LRMDA: variants seen among roughly 807,000 people sequenced by gnomAD.
The protein encoded by LRMDA is leucine-rich melanocyte differentiation-associated protein.
In LRMDA, 18 loss-of-function variants were observed where a neutral mutation model predicts 29.8. The observed-to-expected ratio is 0.60, with a 90% CI of 0.42 to 0.90. The LOEUF (loss-of-function observed/expected upper bound fraction) is 0.90, where lower values mean the gene tolerates loss of function less well. Ranked by LOEUF, LRMDA falls within the 40% of genes least tolerant of loss-of-function variation. LRMDA has a pLI of 0.00. For synonymous variants in LRMDA, 125 were observed against 109.4 expected (o/e 1.14, Z -0.89); for missense variants, 273 against 273.9 (o/e 1.00, Z 0.02).
chr10:76,002,342 A>G (rs750453527), intron 2 of LRMDA, among the ~76,000 whole-genome samples: 1 of 152,206 alleles, frequency 6.6e-6, no homozygotes, highest in African/African-American at 2.4e-5. Context: ...TAGGGATTCA[A>G]TATATGAATT....
At chr10:75,687,438 T>C (rs1473660729) in intron 2 of LRMDA, among the ~76,000 whole-genome samples, 2 of 152,194 alleles carry the variant, frequency 1.3e-5, no homozygotes, top group African/African-American at 2.4e-5. Flanking sequence ...AGCTAGAGCC[T>C]AATCCAGAGC....
In LRMDA at chr10:75,533,409, A is replaced by G. The variant is rs569483093; in HGVS notation, c.131+94915A>G. On this transcript the variant is annotated intron_variant, in intron 2 of 6. Transcript: ENST00000611255. ...GGATCTACTTCAGGAAAAGGCTGAC[A>G]AGGGAGCCTGGGAGAGTTTCGTGCA... Among the ~76,000 whole-genome samples the G allele has an allele frequency of 2.0e-5, 3 of 152,352 alleles. No individual in the cohort carries two copies. In the East Asian group the frequency reaches 5.8e-4, roughly 29 times the overall value.
At chr10:75,973,575 C>A (rs763641681) in intron 2 of LRMDA, among the ~76,000 whole-genome samples, 1 of 152,010 alleles carries the variant, frequency 6.6e-6, no homozygotes, top group Non-Finnish European at 1.5e-5. Flanking sequence ...CCTGCCACCA[C>A]GCCTGGCTAA....
intron 6 of LRMDA, among the ~76,000 whole-genome samples, chr10:76,424,399 C>A (rs142518622): frequency 6.6e-6 from 1 of 152,004 alleles, no homozygotes; most frequent in Non-Finnish European, 1.5e-5. Flanking sequence ...ATTAGTCAGG[C>A]GTGGTGGCAG....
intron 2 of LRMDA, among the ~76,000 whole-genome samples, chr10:75,740,327 G>A (rs547151460): frequency 5.3e-5 from 8 of 152,266 alleles, no homozygotes; most frequent in Admixed American, 5.2e-4. Context: ...TTGGGGAATG[G>A]CTCCTGGGAA....
At chr10:76,300,076 G>T (rs1291055992) in intron 5 of LRMDA, among the ~76,000 whole-genome samples, 2 of 152,182 alleles carry the variant, frequency 1.3e-5, no homozygotes, top group African/African-American at 4.8e-5. Flanking sequence ...TATAGGGGCA[G>T]ATATATAGTG....
chr10:75,913,132 TAA>T (rs1303730433), intron 2 of LRMDA, among the ~76,000 whole-genome samples: 1 of 152,130 alleles, frequency 6.6e-6, no homozygotes, highest in Non-Finnish European at 1.5e-5. Flanking sequence ...ATTAGATTGA[TAA>T]AGACAAACAT....
intron 2 of LRMDA, among the ~76,000 whole-genome samples, chr10:75,886,658 G>T (rs907498127): frequency 4.6e-5 from 7 of 152,122 alleles, no homozygotes; most frequent in Admixed American, 4.6e-4. Flanking sequence ...AGCTAGTCTT[G>T]CATGGCTATT....
intron 2 of LRMDA, among the ~76,000 whole-genome samples, chr10:75,530,846 C>T (rs1049513189): frequency 3.3e-5 from 5 of 152,142 alleles, no homozygotes; most frequent in African/African-American, 1.2e-4. Flanking sequence ...CTCAGAAAAC[C>T]ATTGTTGCTG....
At chr10:75,877,173 C>G (rs1845212326) in intron 2 of LRMDA, among the ~76,000 whole-genome samples, 1 of 152,220 alleles carries the variant, frequency 6.6e-6, no homozygotes, top group South Asian at 2.1e-4. Flanking sequence ...CTCAGCCTTT[C>G]ATGATGCATG....
intron 5 of LRMDA, among the ~76,000 whole-genome samples, chr10:76,201,980 G>A (rs1193789672): frequency 6.6e-6 from 1 of 152,090 alleles, no homozygotes; most frequent in Non-Finnish European, 1.5e-5. Flanking sequence ...CCCTAGGATG[G>A]CTTATATGGC....
intron 2 of LRMDA, among the ~76,000 whole-genome samples, chr10:75,687,968 A>G (rs374286500): frequency 6.6e-6 from 1 of 152,322 alleles, no homozygotes; most frequent in East Asian, 1.9e-4. Context: ...TTTTAAGCCC[A>G]CTGTTGAGAC....
chr10:75,847,626 T>C lies in LRMDA; in HGVS notation c.132-188382T>C, dbSNP rs561686573. ...TATATGTAGTTAAATCCAGAATATA[T>C]AAAGAACTTCTACAATTCTATAACA... On this transcript the variant is annotated intron_variant, in intron 2 of 6. Transcript: ENST00000611255. Among the ~76,000 whole-genome samples, 26 of 152,192 alleles carry C rather than the reference T, an allele frequency of 1.7e-4. No individual in the cohort carries two copies. In the East Asian group the frequency reaches 4.4e-3, roughly 26 times the overall value.
intron 5 of LRMDA, among the ~76,000 whole-genome samples, chr10:76,104,662 G>T (rs889395628): frequency 1.3e-5 from 2 of 152,016 alleles, no homozygotes; most frequent in African/African-American, 4.8e-5. Flanking sequence ...CCCCTGTAAA[G>T]AATTTGTTCT....
intron 2 of LRMDA, among the ~76,000 whole-genome samples, chr10:75,527,339 T>A (rs1292113359): frequency 1.3e-5 from 2 of 152,220 alleles, no homozygotes; most frequent in Non-Finnish European, 2.9e-5. Flanking sequence ...TGAATAATGC[T>A]ACTGTGAACA....
chr10:76,050,456 G>A (rs1424563739), intron 4 of LRMDA, among the ~76,000 whole-genome samples: 1 of 152,242 alleles, frequency 6.6e-6, no homozygotes, highest in Non-Finnish European at 1.5e-5. Context: ...TGGGGCAGGA[G>A]CAGAACTGTG....
intron 5 of LRMDA, among the ~76,000 whole-genome samples, chr10:76,100,204 C>T (rs1007806058): frequency 6.6e-6 from 1 of 152,096 alleles, no homozygotes; most frequent in Non-Finnish European, 1.5e-5. Context: ...AATGGTGTTG[C>T]AGAACTTTGC....
intron 2 of LRMDA, among the ~76,000 whole-genome samples, chr10:75,654,860 C>T (rs1841647175): frequency 6.6e-6 from 1 of 152,146 alleles, no homozygotes; most frequent in Non-Finnish European, 1.5e-5. Context: ...GAAAAGAAAT[C>T]CTTACAGCTC....
At chr10:76,457,341 T>C (rs1238510318) in intron 6 of LRMDA, among the ~76,000 whole-genome samples, 1 of 152,184 alleles carries the variant, frequency 6.6e-6, no homozygotes, top group Non-Finnish European at 1.5e-5. Flanking sequence ...ATGACACACT[T>C]TCTCAGTCAT....
Sources: allele counts gnomAD v4.1 joint callset (sites outside exome capture counted in the v4.1 genomes callset), GRCh38; gene constraint gnomAD v4.1.1; transcripts MANE v1.5; gene names NCBI Gene and HGNC (gene_info 2026-07-23, HGNC 2026-07-21).